Variants in STK3 observed in about 807,000 individuals in gnomAD.
STK3 encodes the protein serine/threonine-protein kinase 3.
STK3 carries 41 observed loss-of-function variants against 58.0 expected under a neutral mutation model. That is an observed-to-expected ratio of 0.71 (90% CI 0.55 to 0.92). The LOEUF (loss-of-function observed/expected upper bound fraction) is 0.92, where lower values mean the gene tolerates loss of function less well. STK3 is among the 40% of genes least tolerant of loss of function. STK3 has a pLI of 0.00. For synonymous variants in STK3, 170 were observed against 191.0 expected (o/e 0.89, Z 0.91); for missense variants, 479 against 602.7 (o/e 0.79, Z 2.15).
Position 98,526,800 on chromosome 8 carries a change from A to G in STK3, c.1259T>C (p.Met420Thr). Reference protein sequence around the residue: ...CNQNMHEPFPMSKNVFPDNWK... With the variant: ...CNQNMHEPFPTSKNVFPDNWK... ...GTTATCAGGAAAAACGTTTTTGGAC[A>G]TAGGGAAGGGTTCATGCATGTTCTG... The change falls in exon 10 of 11, where the codon ATG (methionine) becomes ACG (threonine). Residue 420 changes from methionine to threonine, a missense_variant. Met to Thr is a moderately conservative substitution (Grantham distance 81, BLOSUM62 -1). Transcript: ENST00000419617. 1 of 1,589,242 alleles carries G rather than the reference A, an allele frequency of 6.3e-7. No homozygotes were observed. Among genetic ancestry groups the G allele is most frequent in the Middle Eastern group, 1.7e-4 (1 of 5,970 alleles).
chr8:98,357,354 C>G, the STK3 span, among the ~76,000 whole-genome samples: 2 of 152,178 alleles, frequency 1.3e-5, no homozygotes, highest in African/African-American at 4.8e-5. Flanking sequence ...ATTCTAATCT[C>G]AAAAGAGATC....
At chr8:98,511,908 G>A (rs1824544379) in intron 10 of STK3, among the ~76,000 whole-genome samples, 1 of 151,904 alleles carries the variant, frequency 6.6e-6, no homozygotes, top group Non-Finnish European at 1.5e-5. Flanking sequence ...CTGTTTTAAT[G>A]TTTTAGTTAC....
At chr8:98,387,367 G>A (rs1817800858) in intron 1 of STK3, among the ~76,000 whole-genome samples, 1 of 152,180 alleles carries the variant, frequency 6.6e-6, no homozygotes, top group Non-Finnish European at 1.5e-5. Flanking sequence ...TAAAAGCCAC[G>A]TCATTTTAAA....
chr8:98,730,694 C>G (rs1587443463), intron 4 of STK3, among the ~76,000 whole-genome samples: 1 of 104,526 alleles, frequency 9.6e-6, no homozygotes, highest in African/African-American at 3.8e-5. Context: ...CCAGCCTGAA[C>G]AACAGGGCAA....
chr8:98,365,586 T>C, the STK3 span, among the ~76,000 whole-genome samples: 1 of 152,180 alleles, frequency 6.6e-6, no homozygotes, highest in African/African-American at 2.4e-5. Context: ...TAAAAAGAAA[T>C]AAAACATTAC....
At chr8:98,665,593 C>T (rs1225141786) in intron 6 of STK3, among the ~76,000 whole-genome samples, 1 of 152,050 alleles carries the variant, frequency 6.6e-6, no homozygotes, top group Non-Finnish European at 1.5e-5. Flanking sequence ...CAAGGTCTCA[C>T]TATGTTGCCC....
intron 1 of STK3, among the ~76,000 whole-genome samples, chr8:98,448,944 T>C (rs970304757): frequency 6.6e-6 from 1 of 151,754 alleles, no homozygotes; most frequent in Non-Finnish European, 1.5e-5. Flanking sequence ...TACAGAGAGG[T>C]AGATTTTTTT....
chr8:98,813,521 T>C (rs1028559059), intron 1 of STK3, among the ~76,000 whole-genome samples: 1 of 152,222 alleles, frequency 6.6e-6, no homozygotes, highest in Non-Finnish European at 1.5e-5. Context: ...GTTTTTCAAC[T>C]CTATCATACC....
chr8:98,747,493 A>G (rs1829717839), intron 4 of STK3, among the ~76,000 whole-genome samples: 2 of 152,242 alleles, frequency 1.3e-5, no homozygotes, highest in African/African-American at 4.8e-5. Flanking sequence ...AGTAATAGTC[A>G]TGCTTCTGAA....
chr8:98,872,391 T>C (rs911675278), intron 3 of STK3, among the ~76,000 whole-genome samples: 16 of 152,220 alleles, frequency 1.1e-4, no homozygotes, highest in African/African-American at 3.9e-4. Context: ...TCTTGTTCTA[T>C]TGATTGGAGT....
chr8:98,419,016 G>A (rs778031265), intron 3 of STK3, among the ~76,000 whole-genome samples: 4 of 152,192 alleles, frequency 2.6e-5, no homozygotes, highest in Non-Finnish European at 5.9e-5. Flanking sequence ...TGCCACCAAC[G>A]GCATGTATGT....
intron 3 of STK3, among the ~76,000 whole-genome samples, chr8:98,419,735 C>T (rs1481395818): frequency 6.6e-6 from 1 of 152,172 alleles, no homozygotes; most frequent in Non-Finnish European, 1.5e-5. Context: ...GCCAGGGACC[C>T]CAGTTTCTAT....
At chr8:98,878,502 C>G (rs1487124801) in intron 3 of STK3, among the ~76,000 whole-genome samples, 1 of 152,116 alleles carries the variant, frequency 6.6e-6, no homozygotes, top group Non-Finnish European at 1.5e-5. Context: ...AGACAAATTC[C>G]GATTACCAGC....
At chr8:98,412,812 C>G (rs749975397) in intron 3 of STK3, 1 of 157,956 alleles carries the variant, frequency 6.3e-6, no homozygotes, top group Non-Finnish European at 1.4e-5. Flanking sequence ...AGTTACAGTT[C>G]AGGCTCTCTC....
intron 6 of STK3, among the ~76,000 whole-genome samples, chr8:98,667,498 A>G (rs139377318): frequency 1.3e-5 from 2 of 152,282 alleles, no homozygotes; most frequent in Admixed American, 1.3e-4. Flanking sequence ...AAAGGATTAT[A>G]AATTGTCTGT....
intron 6 of STK3, chr8:98,633,688 G>A (rs962418832): frequency 1.4e-6 from 1 of 693,330 alleles, no homozygotes; most frequent in Non-Finnish European, 2.7e-6. Context: ...TACAAGGTTA[G>A]AGAATACAAA....
chr8:98,905,288 C>T (rs2131964931), intron 1 of STK3: 4 of 830,616 alleles, frequency 4.8e-6, no homozygotes, highest in Non-Finnish European at 8.5e-6. Flanking sequence ...CTGACGGTCT[C>T]ACTGCGTCCT....
At position 98,376,335 on chromosome 8, in the gene STK3, T is replaced by C. The variant is rs1158684502; in HGVS notation, n.111+2818A>G. 2.0e-5 allele frequency among the ~76,000 whole-genome samples: 3 copies of C among 152,210 alleles called. No homozygotes were observed. In the South Asian group the frequency reaches 6.2e-4, roughly 32 times the overall value. On this transcript the variant is annotated intron_variant and non_coding_transcript_variant, in intron 2 of 2. Transcript: ENST00000518704. ...TTCTGGATACAAGTCCTTTGTCAGA[T>C]GCGTGATTTGCAAATATTTTCTCCT...
At chr8:98,422,177 G>A (rs897146867) in intron 3 of STK3, among the ~76,000 whole-genome samples, 2 of 152,186 alleles carry the variant, frequency 1.3e-5, no homozygotes, top group African/African-American at 4.8e-5. Flanking sequence ...ATTCAGTCCA[G>A]CATCCAGGAA....
Sources: gnomAD v4.1 joint callset for allele counts (sites outside exome capture counted in the v4.1 genomes callset) on GRCh38, gnomAD v4.1.1 for gene constraint, MANE v1.5 for transcripts, NCBI Gene and HGNC (gene_info 2026-07-23, HGNC 2026-07-21) for gene names.